Variants in DPP6 observed in about 807,000 individuals in gnomAD.
DPP6 encodes dipeptidyl peptidase like 6.
In DPP6, 69 loss-of-function variants were observed where a neutral mutation model predicts 122.6. The ratio of observed to expected loss-of-function variants is 0.56; its 90% CI spans 0.46 to 0.69. The LOEUF (loss-of-function observed/expected upper bound fraction) is 0.69. DPP6 is among the 30% of genes least tolerant of loss of function. DPP6 has a pLI of 0.00. For missense variants in DPP6, 928 were observed against 1,116.9 expected (o/e 0.83, Z 2.41); for synonymous variants, 418 against 433.1 (o/e 0.97, Z 0.43).
At chr7:154,074,549 T>C (rs2150516162) in intron 1 of DPP6, among the ~76,000 whole-genome samples, 1 of 152,344 alleles carries the variant, frequency 6.6e-6, no homozygotes, top group South Asian at 2.1e-4. Context: ...TTAAACAACT[T>C]TCCAATATAA....
chr7:153,944,664 G>GTTTTTT lies in DPP6; in HGVS notation c.51+56947_51+56952dup, dbSNP rs139824215. On this transcript the variant is annotated intron_variant, in intron 1 of 25. Coordinates refer to the DPP6 transcript ENST00000404039. Reference sequence around the variant, plus strand: ...CCATCAGTTTCTTATTTTTGTGTGGGTTTTTTTTTTTTTTTTTTTTTTGAG... The same window carrying GTTTTTT: ...CCATCAGTTTCTTATTTTTGTGTGGGTTTTTTTTTTTTTTTTTTTTTTTTTTTTGAG... 2.2e-3 allele frequency among the ~76,000 whole-genome samples: 231 copies of GTTTTTT among 106,928 alleles called. 3 individuals carry two copies. The highest frequency in any genetic ancestry group is 2.8e-3 in the Non-Finnish European group (160 of 56,378). The allele number at this position is 106,928 out of a possible 152,430, so 70.1% of individuals were successfully genotyped here.
At chr7:154,562,253 G>GT (rs986902205) in intron 4 of DPP6, among the ~76,000 whole-genome samples, 2 of 151,996 alleles carry the variant, frequency 1.3e-5, no homozygotes, top group African/African-American at 2.4e-5. Flanking sequence ...CATCACGGTC[G>GT]AATAGCTTAT....
intron 1 of DPP6, among the ~76,000 whole-genome samples, chr7:153,955,649 G>A (rs2129024524): frequency 6.6e-6 from 1 of 152,250 alleles, no homozygotes; most frequent in South Asian, 2.1e-4. Context: ...ATGTTGGTCA[G>A]GCTGGTCTTG....
At chr7:154,414,381 G>A (rs902437943) in intron 1 of DPP6, among the ~76,000 whole-genome samples, 5 of 152,086 alleles carry the variant, frequency 3.3e-5, no homozygotes, top group African/African-American at 7.2e-5. Flanking sequence ...TCAATCAATC[G>A]TACAGTCTTC....
the DPP6 span, among the ~76,000 whole-genome samples, chr7:153,802,342 A>C: frequency 8.5e-5 from 13 of 152,210 alleles, no homozygotes; most frequent in Admixed American, 5.2e-4. Context: ...ACTGGTGGGG[A>C]ATTCTCCCTA....
intron 1 of DPP6, among the ~76,000 whole-genome samples, chr7:153,913,228 C>T (rs1024500399): frequency 3.3e-5 from 5 of 152,136 alleles, no homozygotes; most frequent in African/African-American, 1.2e-4. Flanking sequence ...GCAAGCACCA[C>T]CATGCTCAGC....
intron 7 of DPP6, among the ~76,000 whole-genome samples, chr7:154,680,764 T>C (rs1839232277): frequency 6.6e-6 from 1 of 152,048 alleles, no homozygotes; most frequent in Non-Finnish European, 1.5e-5. Context: ...TCAATAAACA[T>C]GTGCTCAAGT....
intron 1 of DPP6, among the ~76,000 whole-genome samples, chr7:154,115,348 C>G (rs1488159634): frequency 6.6e-6 from 1 of 152,222 alleles, no homozygotes; most frequent in African/African-American, 2.4e-5. Context: ...AACCTCAAAG[C>G]CAAACAAGAT....
chr7:154,112,487 A>C (rs1011253537), intron 1 of DPP6, among the ~76,000 whole-genome samples: 4 of 152,076 alleles, frequency 2.6e-5, no homozygotes, highest in Non-Finnish European at 5.9e-5. Flanking sequence ...TCTACTAAAA[A>C]TACAAATATT....
At chr7:154,104,321 A>G (rs891897715) in intron 1 of DPP6, among the ~76,000 whole-genome samples, 2 of 152,244 alleles carry the variant, frequency 1.3e-5, no homozygotes, top group African/African-American at 4.8e-5. Context: ...TGCTTCCTGG[A>G]CAACTTAGTC....
At chr7:154,694,042 G>A (rs1840077688) in intron 7 of DPP6, among the ~76,000 whole-genome samples, 2 of 152,214 alleles carry the variant, frequency 1.3e-5, no homozygotes, top group Admixed American at 6.5e-5. Flanking sequence ...CCTGGAGGCT[G>A]GAAGTCAAGG....
chr7:154,511,152 C>T (rs1826063450), intron 3 of DPP6, among the ~76,000 whole-genome samples: 1 of 152,150 alleles, frequency 6.6e-6, no homozygotes, highest in African/African-American at 2.4e-5. Context: ...AGTGAGAACA[C>T]CGAGCTGCTC....
intron 16 of DPP6, among the ~76,000 whole-genome samples, chr7:154,815,815 C>A (rs1317679477): frequency 6.6e-6 from 1 of 152,206 alleles, no homozygotes; most frequent in Non-Finnish European, 1.5e-5. Flanking sequence ...TAGGGAGCTA[C>A]TTTCCAGACT....
intron 17 of DPP6, among the ~76,000 whole-genome samples, chr7:154,867,210 G>A (rs748350460): frequency 6.6e-5 from 10 of 152,200 alleles, no homozygotes. Context: ...AAGGAAGTTG[G>A]GTGGTTTTTA....
Position 154,165,276 on chromosome 7 carries a change from G to A in DPP6, c.243+112213G>A, listed in dbSNP as rs549024707. 8.4e-3 allele frequency among the ~76,000 whole-genome samples: 1,220 copies of A among 144,832 alleles called. 22 individuals are homozygous for A. Among genetic ancestry groups the A allele is most frequent in the African/African-American group, 0.029 (1,058 of 36,302 alleles). Reference sequence around the variant, plus strand: ...GCGGTGTTTGGTTTTTTGTTCTTGCGATAGTTTACTGAGAATGATGATTTC... The same window carrying A: ...GCGGTGTTTGGTTTTTTGTTCTTGCAATAGTTTACTGAGAATGATGATTTC... On this transcript the variant is annotated intron_variant, in intron 1 of 25. Coordinates refer to ENST00000377770, the MANE Select transcript of DPP6 (RefSeq NM_130797.4).
chr7:154,019,037 C>T (rs991047337), intron 1 of DPP6, among the ~76,000 whole-genome samples: 1 of 152,180 alleles, frequency 6.6e-6, no homozygotes, highest in Non-Finnish European at 1.5e-5. Context: ...TGATTCTACA[C>T]ACAAATGAAT....
chr7:154,472,120 T>C (rs1237740295), intron 2 of DPP6, among the ~76,000 whole-genome samples: 1 of 152,216 alleles, frequency 6.6e-6, no homozygotes, highest in Non-Finnish European at 1.5e-5. Flanking sequence ...AGGAGCCATA[T>C]TGTATGAGAT....
intron 1 of DPP6, among the ~76,000 whole-genome samples, chr7:154,395,470 C>G (rs1814997887): frequency 6.6e-6 from 1 of 152,154 alleles, no homozygotes; most frequent in African/African-American, 2.4e-5. Context: ...TTGTTCACCT[C>G]CGCGGCTAAG....
rs1225166931 is a variant in DPP6 at position 154,875,904 on chromosome 7, A to G, written c.1884-2A>G. On this transcript the variant is annotated splice_acceptor_variant, in intron 19 of 25. Transcript: ENST00000377770. LOFTEE classifies it high-confidence loss of function. This position sits in a 1 kb window ranked among gnomAD's most constrained non-coding sequence, Gnocchi z 4.5. Reference sequence around the variant, plus strand: ...CTGCTGAGCCCGGGATTCTCTTTCCAGGGATGGCACCCCAGGCAGCCAGAG... The same window carrying G: ...CTGCTGAGCCCGGGATTCTCTTTCCGGGGATGGCACCCCAGGCAGCCAGAG... The G allele has an allele frequency of 6.2e-7, 1 of 1,606,862 alleles. No homozygotes were observed. The highest frequency in any genetic ancestry group is 8.5e-7 in the Non-Finnish European group (1 of 1,176,876).
Sources: allele counts gnomAD v4.1 joint callset (sites outside exome capture counted in the v4.1 genomes callset), GRCh38; gene constraint gnomAD v4.1.1; non-coding constraint Gnocchi (gnomAD v3.1); transcripts MANE v1.5; gene names NCBI Gene and HGNC (gene_info 2026-07-23, HGNC 2026-07-21).